Variants in GLT6D1 observed in about 807,000 individuals in gnomAD.
The protein encoded by GLT6D1 is glycosyltransferase 6 domain containing 1.
GLT6D1 carries 9 observed loss-of-function variants against 12.3 expected under a neutral mutation model. That is an observed-to-expected ratio of 0.73 (90% CI 0.44 to 1.27). The LOEUF (loss-of-function observed/expected upper bound fraction) is 1.27, where lower values mean the gene tolerates loss of function less well. Among genes scored for constraint, GLT6D1 ranks in the 50% most tolerant of loss-of-function variants. The pLI is 0.00. For missense variants in GLT6D1, 335 were observed against 346.2 expected, an observed-to-expected ratio of 0.97 and a Z score of 0.26; for synonymous variants, 128 against 132.3, an observed-to-expected ratio of 0.97 and a Z score of 0.23.
Position 135,624,716 on chromosome 9 carries a change from TTTTC to T in GLT6D1, c.258-50_258-47del, listed in dbSNP as rs756752900. The T allele has an allele frequency of 4.6e-5, 48 of 1,053,936 alleles. No individual in the cohort carries two copies. In the African/African-American group the frequency reaches 4.9e-4, roughly 11 times the overall value. The allele number at this position is 1,053,936 out of a possible 1,614,324, so 65.3% of individuals were successfully genotyped here. A position where few individuals can be genotyped will look rare whatever the true frequency, so the allele number is the denominator to read the frequency against. On this transcript the variant is annotated intron_variant, in intron 4 of 4. Transcript: ENST00000371763. The stretch of plus-strand genomic sequence containing the variant: ...AAGAAACTTACTTTTCTCTTTTTTC[TTTTC>T]TTTCTTTTTTTTTTTTTTTTTTTTT...
chr9:135,634,459 TTTTTTG>T lies in GLT6D1; in HGVS notation c.72-2987_72-2982del, dbSNP rs1400826405. ...TTCCTTTCCTTTTTTTTTTTTTTTT[TTTTTTG>T]GCATGATTTATTTTTACTTTATTTC... On this transcript the variant is annotated intron_variant, in intron 2 of 4. Transcript: ENST00000371763. Among the ~76,000 whole-genome samples, 99 of 145,220 alleles carry T rather than the reference TTTTTTG, an allele frequency of 6.8e-4. 2 individuals are homozygous for T. The highest frequency in any genetic ancestry group is 3.5e-3 in the Middle Eastern group (1 of 286).
upstream of GLT6D1, among the ~76,000 whole-genome samples, chr9:135,639,900 G>GT (rs1448989012): frequency 2.7e-5 from 4 of 147,128 alleles, no homozygotes; most frequent in African/African-American, 1.0e-4. Context: ...CTGGAGTGCA[G>GT]TGGCACAATC....
rs748603122 is a variant in GLT6D1 at position 135,631,446 on chromosome 9, T to C, written c.104A>G (p.Asp35Gly). ...TTGTTCTTACCTAGGATGAAACCAG[T>C]CTGAGAGCCGAAGTTCTTCTACTTG... ...NHQVEELRLS[D>G]WFHPRKRPDV... Residue 35 changes from aspartate (D) to glycine (G), a missense_variant, in exon 3 of 5, where the codon GAC becomes GGC. Physicochemically the swap from Asp to Gly is moderately conservative, Grantham distance 94. Coordinates refer to ENST00000371763, the MANE Select transcript of GLT6D1 (RefSeq NM_182974.3). 73 of 1,611,390 alleles carry C rather than the reference T, an allele frequency of 4.5e-5. No homozygotes were observed. Among genetic ancestry groups the C allele is most frequent in the Non-Finnish European group, 5.8e-5 (68 of 1,177,664 alleles).
chr9:135,628,971 C>A, intron 3 of GLT6D1, among the ~76,000 whole-genome samples: 1 of 152,048 alleles, frequency 6.6e-6, no homozygotes, highest in East Asian at 1.9e-4. Context: ...TCAAGTTACA[C>A]TTTTGGCAAA....
intron 2 of GLT6D1, among the ~76,000 whole-genome samples, chr9:135,633,380 G>T (rs1784278526): frequency 6.6e-6 from 1 of 152,206 alleles, no homozygotes; most frequent in African/African-American, 2.4e-5. Context: ...CTCCTGAGTA[G>T]CCCAGATTAC....
At chr9:135,626,227 T>A (rs1267729374) in intron 3 of GLT6D1, 21 bp from the exon 4 acceptor site, 9 of 1,612,682 alleles carry the variant, frequency 5.6e-6, no homozygotes, top group South Asian at 1.1e-5. Flanking sequence ...AGAACCAAGT[T>A]AAACAGGGAG....
chr9:135,635,193 T>G (rs1262908440), intron 2 of GLT6D1, among the ~76,000 whole-genome samples: 1 of 152,234 alleles, frequency 6.6e-6, no homozygotes, highest in Non-Finnish European at 1.5e-5. Context: ...GTTTCATACT[T>G]TGGGTTATAA....
At chr9:135,640,769 A>G (rs897396003), upstream of GLT6D1, among the ~76,000 whole-genome samples, 4 of 152,190 alleles carry the variant, frequency 2.6e-5, no homozygotes, top group African/African-American at 9.7e-5. Context: ...GGCTCACATT[A>G]TATTTCTATG....
chr9:135,624,285 C>A lies in GLT6D1; in HGVS notation c.643G>T (p.Ala215Ser). The A allele has an allele frequency of 6.2e-7, 1 of 1,603,926 alleles. No homozygotes were observed. Among genetic ancestry groups the A allele is most frequent in the Non-Finnish European group, 8.5e-7 (1 of 1,175,014 alleles). The change falls in exon 5 of 5, where the codon GCA becomes TCA. Residue 215 changes from alanine (A) to serine (S), a missense_variant. Coordinates refer to ENST00000371763, the MANE Select transcript of GLT6D1 (RefSeq NM_182974.3). Reference sequence around the variant, plus strand: ...CCCTGTCCAAACGGGATGCAAGCTGCTGAGGTCGGCCTCCTCTCATAAGGG... The same window carrying A: ...CCCTGTCCAAACGGGATGCAAGCTGATGAGGTCGGCCTCCTCTCATAAGGG... ...NFPYERRPTSAACIPFGQGDF... is the reference protein window; with the variant it reads ...NFPYERRPTSSACIPFGQGDF...
At chr9:135,631,976 C>T (rs1013468454) in intron 2 of GLT6D1, among the ~76,000 whole-genome samples, 1 of 151,140 alleles carries the variant, frequency 6.6e-6, no homozygotes, top group Admixed American at 6.6e-5. Flanking sequence ...GAGCTCAAGC[C>T]ATCCTCCCAC....
chr9:135,638,859 G>A (rs1241081571), intron 2 of GLT6D1, among the ~76,000 whole-genome samples: 1 of 152,058 alleles, frequency 6.6e-6, no homozygotes, highest in Non-Finnish European at 1.5e-5. Context: ...GACAACATAA[G>A]TCTCTACAAA....
intron 2 of GLT6D1, among the ~76,000 whole-genome samples, chr9:135,632,137 AT>A (rs10686489): frequency 1.2e-4 from 17 of 144,144 alleles, no homozygotes; most frequent in Middle Eastern, 3.5e-3. Context: ...CCTGGGAGCA[AT>A]TTTTTTTTTT....
rs559345956 is a variant in GLT6D1, at chr9:135,626,230, ACAGGGAGTGCTTTACTGAGGCGCCGG to A, written c.120-50_120-25del. On this transcript the variant is annotated intron_variant, in intron 3 of 4. Coordinates refer to ENST00000371763, the MANE Select transcript of GLT6D1 (RefSeq NM_182974.3). ...TTCTGTGGAACAAGAACCAAGTTAA[ACAGGGAGTGCTTTACTGAGGCGCCGG>A]CAGCAGGTGCCGAGCAGTAATGCCT... is the stretch of plus-strand genomic sequence containing the variant. 1.1e-4 allele frequency: 179 copies of A among 1,612,606 alleles called. No homozygotes were observed. In the African/African-American group the frequency reaches 2.1e-3, roughly 19 times the overall value.
At chr9:135,625,743 T>G (rs1833498277) in intron 4 of GLT6D1, among the ~76,000 whole-genome samples, 2 of 152,176 alleles carry the variant, frequency 1.3e-5, no homozygotes, top group Admixed American at 1.3e-4. Flanking sequence ...GGGAAGATTG[T>G]GACCCCAAGT....
Position 135,624,193 on chromosome 9 carries a change from T to G in GLT6D1, c.735A>C (p.Glu245Asp), listed in dbSNP as rs150445650. ...TGTCATGAATAACTCCGTTCAGATATTCTTTGATGAAGTCTAAAATATTAT... is the reference window on the plus strand; with the variant it reads ...TGTCATGAATAACTCCGTTCAGATAGTCTTTGATGAAGTCTAAAATATTAT... ...TPHNILDFIK[E>D]YLNGVIHDIK... is the part of the protein sequence containing the mutation. The change falls in exon 5 of 5, where the codon GAA becomes GAC. Residue 245 changes from glutamate to aspartate, a missense_variant. Physicochemically the swap from Glu to Asp is conservative, Grantham distance 45. Coordinates refer to ENST00000371763, the MANE Select transcript of GLT6D1 (RefSeq NM_182974.3). 6.2e-7 allele frequency: 1 copy of G among 1,612,192 alleles called. No individual in the cohort carries two copies. The highest frequency in any genetic ancestry group is 8.5e-7 in the Non-Finnish European group (1 of 1,179,446).
chr9:135,628,897 G>A (rs1833575994), intron 3 of GLT6D1, among the ~76,000 whole-genome samples: 1 of 151,894 alleles, frequency 6.6e-6, no homozygotes, highest in African/African-American at 2.4e-5. Context: ...GGAAGTTGGT[G>A]GTCATGTCCC....
chr9:135,639,200 AAAG>A lies in GLT6D1; in HGVS notation c.-6-10_-6-8del, dbSNP rs775734498. 8.3e-6 allele frequency: 12 copies of A among 1,441,556 alleles called. No individual in the cohort carries two copies. The South Asian group carries it at 9.6e-5, about 12-fold the overall frequency. 89.3% of individuals were successfully genotyped at this position (1,441,556 alleles called of 1,614,324 possible). A position where few individuals can be genotyped will look rare whatever the true frequency, so the allele number is the denominator to read the frequency against. On this transcript the variant is annotated splice_region_variant and splice_polypyrimidine_tract_variant and intron_variant, in intron 1 of 4. Transcript: ENST00000371763. ...TTTTAGAATTCATTCTCTCCTAGGG[AAAG>A]AAGGAGAAAAAATTAGATTTTAAGC...
intron 2 of GLT6D1, among the ~76,000 whole-genome samples, chr9:135,635,738 C>T (rs528918796): frequency 8.5e-5 from 13 of 152,300 alleles, no homozygotes; most frequent in Admixed American, 2.6e-4. Flanking sequence ...CTAACCTGTG[C>T]GTATTTCCAC....
intron 2 of GLT6D1, among the ~76,000 whole-genome samples, chr9:135,636,980 G>A (rs1830122253): frequency 6.6e-6 from 1 of 152,052 alleles, no homozygotes; most frequent in Admixed American, 6.6e-5. Context: ...AGCCTCCTGA[G>A]TAGCTGGGAT....
Sources: gnomAD v4.1 joint callset for allele counts (sites outside exome capture counted in the v4.1 genomes callset) on GRCh38, gnomAD v4.1.1 for gene constraint, MANE v1.5 for transcripts, NCBI Gene and HGNC (gene_info 2026-07-23, HGNC 2026-07-21) for gene names.